Variants in GRHL2 observed in about 807,000 individuals in gnomAD.
GRHL2 encodes grainyhead-like protein 2 homolog.
A neutral mutation model predicts 83.8 loss-of-function variants in GRHL2; 21 were observed. That is an observed-to-expected ratio of 0.25 (90% confidence interval 0.18 to 0.36). GRHL2 has a LOEUF of 0.36. GRHL2 is among the 10% of genes least tolerant of loss of function. The probability of loss-of-function intolerance (pLI) is 1.00; values close to 1 mark genes in which losing one functional copy is unlikely to be tolerated. For missense variants in GRHL2, 623 were observed against 781.8 expected (o/e 0.80, Z 2.42); for synonymous variants, 280 against 278.9 (o/e 1.00, Z -0.04).
chr8:101,658,434 C>T (rs77522693), intron 14 of GRHL2, among the ~76,000 whole-genome samples: 58 of 152,270 alleles, frequency 3.8e-4, no homozygotes, highest in Non-Finnish European at 7.2e-4. Flanking sequence ...TGAGAGACAG[C>T]GCTCACAAAA....
At chr8:101,670,707 C>T (rs1814190603), downstream of GRHL2, among the ~76,000 whole-genome samples, 1 of 152,212 alleles carries the variant, frequency 6.6e-6, no homozygotes, top group African/African-American at 2.4e-5. Context: ...CAGCCACGGT[C>T]CTGCTGTTAG....
At chr8:101,626,828 G>T (rs892211298) in intron 9 of GRHL2, among the ~76,000 whole-genome samples, 3 of 152,042 alleles carry the variant, frequency 2.0e-5, no homozygotes, top group Non-Finnish European at 2.9e-5. Context: ...AGAATCATAG[G>T]AAGAGGTGGA....
intron 10 of GRHL2, 133 bp from the exon 11 acceptor site, chr8:101,632,093 G>T: frequency 1.1e-6 from 1 of 924,958 alleles, no homozygotes; most frequent in Non-Finnish European, 1.8e-6. Context: ...GTGGTGGGAG[G>T]TGTTGAAGTG....
At chr8:101,559,493 G>A (rs1350850052) in intron 4 of GRHL2, among the ~76,000 whole-genome samples, 1 of 151,984 alleles carries the variant, frequency 6.6e-6, no homozygotes, top group Non-Finnish European at 1.5e-5. Context: ...TCATGCCACT[G>A]CACTCCAGCC....
chr8:101,561,318 G>C (rs944722380), intron 4 of GRHL2, among the ~76,000 whole-genome samples: 6 of 152,114 alleles, frequency 3.9e-5, no homozygotes, highest in Non-Finnish European at 8.8e-5. Context: ...TGCTAGGCTA[G>C]AAAAATAAAG....
At chr8:101,567,500 TG>T (rs1811741267) in intron 4 of GRHL2, among the ~76,000 whole-genome samples, 1 of 152,250 alleles carries the variant, frequency 6.6e-6, no homozygotes, top group Admixed American at 6.5e-5. Flanking sequence ...AGGATGGTGA[TG>T]TTTTCTAGGT....
At chr8:101,592,104 T>TC (rs201168079) in intron 7 of GRHL2, among the ~76,000 whole-genome samples, 36 of 128,498 alleles carry the variant, frequency 2.8e-4, no homozygotes, top group Non-Finnish European at 3.7e-4. Flanking sequence ...TCTTTTCTTT[T>TC]TTTTTTTTTT....
At chr8:101,634,027 C>T (rs572938472) in intron 11 of GRHL2, among the ~76,000 whole-genome samples, 1 of 152,302 alleles carries the variant, frequency 6.6e-6, no homozygotes, top group African/African-American at 2.4e-5. Context: ...TCTCCTGCCC[C>T]CGGGTGTCAT....
At chr8:101,560,230 A>G (rs1397808134) in intron 4 of GRHL2, among the ~76,000 whole-genome samples, 1 of 151,952 alleles carries the variant, frequency 6.6e-6, no homozygotes, top group Non-Finnish European at 1.5e-5. Context: ...GGGTTTCACC[A>G]TGTTGTCAGG....
intron 9 of GRHL2, among the ~76,000 whole-genome samples, chr8:101,627,885 G>A (rs1275855505): frequency 3.3e-5 from 5 of 152,134 alleles, no homozygotes; most frequent in Non-Finnish European, 7.4e-5. Flanking sequence ...TCCAGAGCAA[G>A]GCCCTAACTC....
chr8:101,506,435 G>A (rs1271524697), intron 1 of GRHL2, among the ~76,000 whole-genome samples: 1 of 152,176 alleles, frequency 6.6e-6, no homozygotes, highest in Non-Finnish European at 1.5e-5. Context: ...TACAAAGAGT[G>A]TGCAAATTAT....
At chr8:101,601,889 C>T (rs1563601948) in intron 8 of GRHL2, among the ~76,000 whole-genome samples, 1 of 152,194 alleles carries the variant, frequency 6.6e-6, no homozygotes, top group South Asian at 2.1e-4. Flanking sequence ...TTTGCTGCCC[C>T]TATCAACCCA....
At chr8:101,664,665 A>C in intron 15 of GRHL2, 147 bp downstream of exon 15, 1 of 669,994 alleles carries the variant, frequency 1.5e-6, no homozygotes, top group Admixed American at 2.1e-5. Context: ...TGCAGAGGAG[A>C]TTGCATTTGG....
At chr8:101,648,098 G>C (rs1393681152) in intron 13 of GRHL2, among the ~76,000 whole-genome samples, 1 of 152,140 alleles carries the variant, frequency 6.6e-6, no homozygotes, top group Non-Finnish European at 1.5e-5. Flanking sequence ...CACATCACTG[G>C]GAGGAGGGAG....
intron 3 of GRHL2, among the ~76,000 whole-genome samples, chr8:101,555,397 G>A (rs1397721882): frequency 1.3e-5 from 2 of 151,984 alleles, no homozygotes; most frequent in Admixed American, 6.6e-5. Context: ...CCTTTACTGG[G>A]TTCATGATGT....
chr8:101,608,649 C>G lies in GRHL2; in HGVS notation c.1098+9498C>G, dbSNP rs552222802. Among the ~76,000 whole-genome samples, 45 of 151,990 alleles carry G rather than the reference C, an allele frequency of 3.0e-4. 1 individual carries two copies. Among genetic ancestry groups the G allele is most frequent in the African/African-American group, 1.0e-3 (43 of 41,434 alleles). On this transcript the variant is annotated intron_variant, in intron 8 of 15. Transcript: ENST00000646743. ...AAATTTCAAGTGAAAAGTTGAAAGACTAATACATTTGATACCACTTACCCT... is the reference window on the plus strand; with the variant it reads ...AAATTTCAAGTGAAAAGTTGAAAGAGTAATACATTTGATACCACTTACCCT...
At chr8:101,504,991 AG>A (rs1178917006) in intron 1 of GRHL2, among the ~76,000 whole-genome samples, 10 of 151,670 alleles carry the variant, frequency 6.6e-5, no homozygotes, top group African/African-American at 2.4e-4. Context: ...AAAAAAAAAA[AG>A]AGGAGGCTAA....
intron 1 of GRHL2, among the ~76,000 whole-genome samples, chr8:101,536,558 A>G (rs993269748): frequency 2.6e-5 from 4 of 152,234 alleles, no homozygotes; most frequent in Non-Finnish European, 4.4e-5. Flanking sequence ...AGAAAGGTTA[A>G]CTAAGTAATC....
chr8:101,661,527 TAA>T (rs1813921533), intron 14 of GRHL2, among the ~76,000 whole-genome samples: 1 of 152,246 alleles, frequency 6.6e-6, no homozygotes, highest in Non-Finnish European at 1.5e-5. Context: ...AGATTACTTA[TAA>T]TACGTAATAC....
Sources: gnomAD v4.1 joint callset for allele counts (sites outside exome capture counted in the v4.1 genomes callset) on GRCh38, gnomAD v4.1.1 for gene constraint, MANE v1.5 for transcripts, NCBI Gene and HGNC (gene_info 2026-07-23, HGNC 2026-07-21) for gene names.